The following CTR9 variants were observed in gnomAD, a reference collection of about 807,000 sequenced individuals.
The protein encoded by CTR9 is CTR9 component of Paf1/RNA polymerase II complex.
In CTR9, 41 loss-of-function variants were observed where a neutral mutation model predicts 152.1. The ratio of observed to expected loss-of-function variants is 0.27; its 90% CI spans 0.21 to 0.35. CTR9 has a LOEUF of 0.35. Ranked by LOEUF, CTR9 falls within the 10% of genes least tolerant of loss-of-function variation. The pLI is 1.00. For missense variants in CTR9, 917 were observed against 1,424.4 expected (o/e 0.64, Z 5.73); for synonymous variants, 476 against 496.2 (o/e 0.96, Z 0.54).
chr11:10,770,469 T>C lies in CTR9; in HGVS notation c.2227-18T>C. ...TCATGTCATTTGAACATATGAAATA[T>C]TTATTTTTTATTCACAGGCTAGACA... On this transcript the variant is annotated intron_variant, in intron 17 of 24. Transcript: ENST00000361367. 1 of 1,604,416 alleles carries C rather than the reference T, an allele frequency of 6.2e-7. No homozygotes were observed. The highest frequency in any genetic ancestry group is 1.1e-5 in the South Asian group (1 of 89,250).
chr11:10,754,485 G>A (rs1449768211), intron 2 of CTR9, among the ~76,000 whole-genome samples: 1 of 152,122 alleles, frequency 6.6e-6, no homozygotes, highest in African/African-American at 2.4e-5. Context: ...TTTATCATCT[G>A]TATATACCTG....
At chr11:10,770,746 C>A in intron 18 of CTR9, 114 bp downstream of exon 18, 1 of 1,013,534 alleles carries the variant, frequency 9.9e-7, no homozygotes, top group Non-Finnish European at 1.4e-6. Context: ...TTGTCTCAAG[C>A]TGCTGAAAAT....
chr11:10,767,300 G>A lies in CTR9; in HGVS notation c.1687-506G>A, dbSNP rs1270222016. On this transcript the variant is annotated intron_variant, in intron 13 of 24. Coordinates refer to ENST00000361367, the MANE Select transcript of CTR9 (RefSeq NM_014633.5). This position sits in a 1 kb window ranked among gnomAD's most constrained non-coding sequence, Gnocchi z 4.0. ...ATACCAAATATAGTTTAGTATTTTT[G>A]CCTGTTAGTGATGGTTCCACGTTTG... 1 of 154,638 alleles carries A rather than the reference G, an allele frequency of 6.5e-6. No homozygotes were observed. The highest frequency in any genetic ancestry group is 1.4e-5 in the Non-Finnish European group (1 of 69,420). 9.6% of individuals were successfully genotyped at this position (154,638 alleles called of 1,614,324 possible).
intron 2 of CTR9, 151 bp downstream of exon 2, chr11:10,752,921 A>G (rs1259206950): frequency 1.5e-6 from 1 of 650,128 alleles, no homozygotes; most frequent in East Asian, 2.7e-5. Flanking sequence ...TTATGGAACA[A>G]TAAGGCCGTT....
intron 22 of CTR9, 173 bp downstream of exon 22, chr11:10,774,342 G>C: frequency 1.6e-6 from 1 of 638,936 alleles, no homozygotes; most frequent in East Asian, 2.9e-5. Flanking sequence ...AAAATCCACT[G>C]AGTACCTGGG....
chr11:10,762,499 A>G (rs1426755054), intron 7 of CTR9, among the ~76,000 whole-genome samples: 1 of 152,222 alleles, frequency 6.6e-6, no homozygotes, highest in Non-Finnish European at 1.5e-5. Context: ...TTGAAAAGGG[A>G]AAGACACACA....
chr11:10,774,432 A>G (rs1244946468), intron 22 of CTR9: 2 of 274,562 alleles, frequency 7.3e-6, no homozygotes, highest in Admixed American at 4.9e-5. Context: ...CTAAATATTT[A>G]TTGGAAAACA....
chr11:10,760,327 T>A lies in CTR9; in HGVS notation c.741+6T>A. On this transcript the variant is annotated splice_donor_region_variant and intron_variant, in intron 6 of 24. Transcript: ENST00000361367. ...TAGAACTCAACAATAAAGAGGTATG[T>A]AAATGAAAAAAGTATCTAGCTCCTA... is the stretch of plus-strand genomic sequence containing the variant. 6.2e-7 allele frequency: 1 copy of A among 1,603,748 alleles called. No individual in the cohort carries two copies. The highest frequency in any genetic ancestry group is 8.5e-7 in the Non-Finnish European group (1 of 1,173,878).
rs770400083 is a variant in CTR9 at position 10,762,103 on chromosome 11, A to G, written c.849+49A>G. 4.8e-6 allele frequency: 5 copies of G among 1,047,096 alleles called. No individual in the cohort carries two copies. The South Asian group carries it at 7.4e-5, about 15-fold the overall frequency. The allele number at this position is 1,047,096 out of a possible 1,614,324, so 64.9% of individuals were successfully genotyped here. ...TCTGATTTTTGTTTTTCTGTACTGCAATTGATATTTTATTTCTTTTTTAAA... is the reference window on the plus strand; with the variant it reads ...TCTGATTTTTGTTTTTCTGTACTGCGATTGATATTTTATTTCTTTTTTAAA... On this transcript the variant is annotated intron_variant, in intron 7 of 24. Transcript: ENST00000361367.
intron 6 of CTR9, among the ~76,000 whole-genome samples, chr11:10,760,853 C>T (rs754725877): frequency 6.6e-6 from 1 of 152,138 alleles, no homozygotes; most frequent in Non-Finnish European, 1.5e-5. Flanking sequence ...TGCAGCCTTT[C>T]TTCATCATGT....
chr11:10,779,360 A>T lies in CTR9; in HGVS notation c.*255A>T. 1 of 401,930 alleles carries T rather than the reference A, an allele frequency of 2.5e-6. No homozygotes were observed. Among genetic ancestry groups the T allele is most frequent in the Non-Finnish European group, 4.5e-6 (1 of 223,596 alleles). The allele number at this position is 401,930 out of a possible 1,614,324, so 24.9% of individuals were successfully genotyped here. ...CATATGTGAAAACTGCAGTAAAAAT[A>T]AACCCAGATGCTAAATCATTCCTAC... On this transcript the variant is annotated 3_prime_UTR_variant, in exon 25 of 25. Transcript: ENST00000361367.
intron 24 of CTR9, among the ~76,000 whole-genome samples, chr11:10,776,349 C>G (rs1014056407): frequency 2.0e-5 from 3 of 152,130 alleles, no homozygotes; most frequent in Non-Finnish European, 2.9e-5. Flanking sequence ...TCAACAGTAC[C>G]TGCTCCGTGG....
rs770938396 is a variant in CTR9, at chr11:10,771,524, G to A, written c.2373-21G>A. 4.0e-6 allele frequency: 6 copies of A among 1,489,152 alleles called. No homozygotes were observed. The Admixed American group carries it at 1.0e-4, about 25-fold the overall frequency. The allele number at this position is 1,489,152 out of a possible 1,614,324, so 92.2% of individuals were successfully genotyped here. ...TAGAATCTCTTTTTTTAAAAGTGAA[G>A]TATTTTCTCGTTTCATTTAGATACT... On this transcript the variant is annotated intron_variant, in intron 18 of 24. Transcript: ENST00000361367.
chr11:10,775,318 CTG>C lies in CTR9; in HGVS notation c.2982+19_2982+20del. The C allele has an allele frequency of 3.8e-6, 6 of 1,599,636 alleles. No homozygotes were observed. Among genetic ancestry groups the C allele is most frequent in the Non-Finnish European group, 5.1e-6 (6 of 1,167,664 alleles). On this transcript the variant is annotated intron_variant, in intron 23 of 24. Transcript: ENST00000361367. ...AGAAAAAGGCTGTAAGTTTATAGTA[CTG>C]TGTTTTTCTGTCCCCTAGTAGATGT...
In CTR9 at chr11:10,762,157, T is replaced by A. The variant is rs1239621535; in HGVS notation, c.849+103T>A. ...GGAAAGAAATTTGAAAATGTCAGAT[T>A]TTTTCCCCCCTCCAAATTATAGAGT... On this transcript the variant is annotated intron_variant, in intron 7 of 24. Coordinates refer to ENST00000361367, the MANE Select transcript of CTR9 (RefSeq NM_014633.5). 6.8e-6 allele frequency: 5 copies of A among 735,140 alleles called. No homozygotes were observed. The Admixed American group carries it at 9.1e-5, about 13-fold the overall frequency. The allele number at this position is 735,140 out of a possible 1,614,324, so 45.5% of individuals were successfully genotyped here.
At position 10,757,103 on chromosome 11, in the gene CTR9, A is replaced by G. The variant is rs142214900; in HGVS notation, c.592+265A>G. On this transcript the variant is annotated intron_variant, in intron 5 of 24. Coordinates refer to ENST00000361367, the MANE Select transcript of CTR9 (RefSeq NM_014633.5). Reference sequence around the variant, plus strand: ...AGTTTGAGACCAGCCTGGGCAACGTAGTAAGACCCTGTCTCTACAAAAAAT... The same window carrying G: ...AGTTTGAGACCAGCCTGGGCAACGTGGTAAGACCCTGTCTCTACAAAAAAT... 6.8e-3 allele frequency among the ~76,000 whole-genome samples: 1,029 copies of G among 152,256 alleles called. 8 individuals carry two copies. Among genetic ancestry groups the G allele is most frequent in the Non-Finnish European group, 0.011 (772 of 68,012 alleles).
At chr11:10,772,286 G>A (rs936532402) in intron 19 of CTR9, among the ~76,000 whole-genome samples, 11 of 151,990 alleles carry the variant, frequency 7.2e-5, no homozygotes, top group Non-Finnish European at 1.0e-4. Context: ...ACCCGGAGGC[G>A]GAGGTTGCGG....
At chr11:10,766,358 A>C in intron 12 of CTR9, 44 bp from the exon 13 acceptor site, 1 of 1,396,224 alleles carries the variant, frequency 7.2e-7, no homozygotes, top group Non-Finnish European at 1.0e-6. Flanking sequence ...ATGATCCTTT[A>C]TAGCTAATAT....
At chr11:10,776,213 G>A (rs903218140) in intron 24 of CTR9, among the ~76,000 whole-genome samples, 5 of 152,204 alleles carry the variant, frequency 3.3e-5, no homozygotes, top group Non-Finnish European at 7.3e-5. Flanking sequence ...AGTCTCCCAA[G>A]TAGCTGGGAT....
Sources: gnomAD v4.1 joint callset for allele counts (sites outside exome capture counted in the v4.1 genomes callset) on GRCh38, gnomAD v4.1.1 for gene constraint, Gnocchi (gnomAD v3.1) non-coding constraint, MANE v1.5 for transcripts, NCBI Gene and HGNC (gene_info 2026-07-23, HGNC 2026-07-21) for gene names.